The following USP34 variants were observed in gnomAD, a reference collection of about 807,000 sequenced individuals.
USP34 encodes ubiquitin carboxyl-terminal hydrolase 34.
A neutral mutation model predicts 460.3 loss-of-function variants in USP34; 70 were observed. The observed-to-expected ratio is 0.15, with a 90% CI of 0.13 to 0.19. The LOEUF (loss-of-function observed/expected upper bound fraction) is 0.19. Among genes scored for constraint, USP34 ranks in the 10% least tolerant of loss-of-function variants. The pLI, the probability that USP34 is intolerant of heterozygous loss-of-function variation, is 1.00. For synonymous variants in USP34, 1,647 were observed against 1,405.3 expected (o/e 1.17, Z -3.85); for missense variants, 3,985 against 4,236.2 (o/e 0.94, Z 1.65).
intron 2 of USP34, chr2:61,416,941 C>T (rs1029134220): frequency 1.6e-6 from 2 of 1,226,310 alleles, no homozygotes; most frequent in African/African-American, 1.5e-5. Context: ...ATACTTGACC[C>T]CACAGCCATC....
At chr2:61,320,733 G>A (rs1355232113) in intron 21 of USP34, among the ~76,000 whole-genome samples, 1 of 152,118 alleles carries the variant, frequency 6.6e-6, no homozygotes, top group East Asian at 1.9e-4. Context: ...TTGTAGGCTG[G>A]GCGTGGTGGC....
At chr2:61,360,247 A>G (rs941444805) in intron 10 of USP34, among the ~76,000 whole-genome samples, 1 of 152,204 alleles carries the variant, frequency 6.6e-6, no homozygotes, top group African/African-American at 2.4e-5. Context: ...AGAAAACAGG[A>G]AAGAAAAATT....
intron 57 of USP34, 89 bp downstream of exon 57, chr2:61,235,756 A>C (rs1028935316): frequency 1.5e-6 from 2 of 1,359,856 alleles, no homozygotes; most frequent in Non-Finnish European, 2.0e-6. Flanking sequence ...GTGACAGATA[A>C]AACAACTCTG....
At chr2:61,406,786 T>C (rs929186865) in intron 2 of USP34, among the ~76,000 whole-genome samples, 7 of 150,998 alleles carry the variant, frequency 4.6e-5, no homozygotes, top group African/African-American at 1.7e-4. Context: ...AGGTGGATCA[T>C]TTGAGGTCAG....
At chr2:61,240,554 A>G (rs1262839887) in intron 53 of USP34, among the ~76,000 whole-genome samples, 1 of 151,876 alleles carries the variant, frequency 6.6e-6, no homozygotes, top group African/African-American at 2.4e-5. Context: ...CTGGGATTAC[A>G]GGCATGAGCC....
At chr2:61,351,895 A>G (rs1365238042) in intron 10 of USP34, among the ~76,000 whole-genome samples, 1 of 152,236 alleles carries the variant, frequency 6.6e-6, no homozygotes, top group Non-Finnish European at 1.5e-5. Context: ...TTTAAGGACA[A>G]GTGAATACTC....
chr2:61,467,434 A>C (rs1478687138), intron 1 of USP34, among the ~76,000 whole-genome samples: 1 of 152,028 alleles, frequency 6.6e-6, no homozygotes, highest in Non-Finnish European at 1.5e-5. Flanking sequence ...ACAGGGGCGC[A>C]CCACCACGTC....
At chr2:61,289,979 C>A (rs1040736077) in intron 33 of USP34, among the ~76,000 whole-genome samples, 1 of 151,956 alleles carries the variant, frequency 6.6e-6, no homozygotes, top group African/African-American at 2.4e-5. Flanking sequence ...GGGGCTTGTC[C>A]CCATACACAC....
chr2:61,301,316 C>T (rs753635292), intron 28 of USP34, 38 bp downstream of exon 28: 2 of 1,597,528 alleles, frequency 1.3e-6, no homozygotes, highest in Non-Finnish European at 1.7e-6. Flanking sequence ...TGATTATAAA[C>T]AGATCATTAA....
intron 1 of USP34, among the ~76,000 whole-genome samples, chr2:61,461,223 T>C (rs956355679): frequency 6.6e-5 from 10 of 151,552 alleles, no homozygotes; most frequent in African/African-American, 2.4e-4. Flanking sequence ...AAACCCTGTC[T>C]CTACTAAAAA....
chr2:61,394,722 C>T, intron 5 of USP34, 131 bp downstream of exon 5: 1 of 597,110 alleles, frequency 1.7e-6, no homozygotes, highest in Non-Finnish European at 2.6e-6. Flanking sequence ...TTTCTGTACT[C>T]ATTTTGTCAA....
chr2:61,299,728 G>T (rs369736259), intron 29 of USP34, among the ~76,000 whole-genome samples: 1 of 151,924 alleles, frequency 6.6e-6, no homozygotes, highest in Non-Finnish European at 1.5e-5. Flanking sequence ...CTGCAGCCTG[G>T]GTGACACACT....
Position 61,348,352 on chromosome 2 carries a change from T to A in USP34, c.1803A>T (p.Ser601=). The A allele has an allele frequency of 1.2e-6, 2 of 1,614,162 alleles. No homozygotes were observed. Among genetic ancestry groups the A allele is most frequent in the Non-Finnish European group, 1.7e-6 (2 of 1,180,030 alleles). Reference sequence around the variant, plus strand: ...GTACCTCACTGCCAGGGCTCCCAGCTGACTGGCTTGCGTGGCTAGAATTAA... The same window carrying A: ...GTACCTCACTGCCAGGGCTCCCAGCAGACTGGCTTGCGTGGCTAGAATTAA... ...NEVNSSHASQ[S]AGSPGSEVQS... is the part of the protein sequence containing the mutation. Residue 601 remains serine, a synonymous_variant, in exon 15 of 80, where the codon TCA becomes TCT. Coordinates refer to ENST00000398571, the MANE Select transcript of USP34 (RefSeq NM_014709.4).
At chr2:61,256,257 C>CT (rs1272736921) in intron 48 of USP34, 127 bp downstream of exon 48, 2 of 809,304 alleles carry the variant, frequency 2.5e-6, no homozygotes, top group East Asian at 5.6e-5. Flanking sequence ...CTCCATGAGA[C>CT]TGAGCTCCAT....
At chr2:61,414,961 G>A (rs1248499885) in intron 2 of USP34, among the ~76,000 whole-genome samples, 1 of 152,128 alleles carries the variant, frequency 6.6e-6, no homozygotes, top group Middle Eastern at 3.2e-3. Flanking sequence ...GACTGCCACC[G>A]GCATGATTAG....
chr2:61,421,403 C>G (rs1404958398), intron 1 of USP34, among the ~76,000 whole-genome samples: 26 of 152,170 alleles, frequency 1.7e-4, no homozygotes, highest in Admixed American at 1.7e-3. Context: ...TGAGAACATT[C>G]AGTTCTCATT....
intron 8 of USP34, among the ~76,000 whole-genome samples, chr2:61,373,061 G>C (rs1037678243): frequency 6.6e-6 from 1 of 152,188 alleles, no homozygotes; most frequent in East Asian, 1.9e-4. Context: ...AACAGTAATG[G>C]AGCTACGTAG....
intron 1 of USP34, among the ~76,000 whole-genome samples, chr2:61,447,255 A>C (rs909070217): frequency 3.9e-4 from 4 of 10,320 alleles, no homozygotes; most frequent in African/African-American, 2.0e-3. Flanking sequence ...ACTGTCTTCC[A>C]AAAAAAAAAA....
Position 61,406,584 on chromosome 2 carries a change from G to A in USP34, c.132-456C>T, listed in dbSNP as rs1217937899. Among the ~76,000 whole-genome samples, 4 of 151,852 alleles carry A rather than the reference G, an allele frequency of 2.6e-5. No individual in the cohort carries two copies. The South Asian group carries it at 6.2e-4, about 24-fold the overall frequency. On this transcript the variant is annotated intron_variant, in intron 2 of 79. Transcript: ENST00000398571. ...ATTAATGTCCTTGAAGGCTACTTGG[G>A]AGGGGTGCTCTGACGCTATCTGGCA...
Sources: allele counts gnomAD v4.1 joint callset (sites outside exome capture counted in the v4.1 genomes callset), GRCh38; gene constraint gnomAD v4.1.1; transcripts MANE v1.5; gene names NCBI Gene and HGNC (gene_info 2026-07-23, HGNC 2026-07-21).